The following ZWILCH variants were observed in gnomAD, a reference collection of about 807,000 sequenced individuals.
The protein encoded by ZWILCH is protein zwilch homolog.
Under a neutral mutation model 79.9 loss-of-function variants are expected in ZWILCH, and 74 were observed. The ratio of observed to expected loss-of-function variants is 0.93; its 90% confidence interval spans 0.77 to 1.12. The LOEUF (loss-of-function observed/expected upper bound fraction) is 1.12. ZWILCH is among the 50% of genes most tolerant of loss of function. ZWILCH has a pLI of 0.00. For missense variants in ZWILCH, 694 were observed against 687.5 expected, an observed-to-expected ratio of 1.01 and a Z score of -0.11; for synonymous variants, 241 against 228.2, an observed-to-expected ratio of 1.06 and a Z score of -0.51.
Position 66,532,385 on chromosome 15 carries a change from T to A in ZWILCH, c.1294T>A (p.Tyr432Asn). 2 of 1,606,568 alleles carry A rather than the reference T, an allele frequency of 1.2e-6. No homozygotes were observed. Among genetic ancestry groups the A allele is most frequent in the Non-Finnish European group, 1.7e-6 (2 of 1,177,750 alleles). Residue 432 changes from tyrosine to asparagine, a missense_variant, in exon 13 of 19, where the codon TAT becomes AAT. Coordinates refer to ENST00000307897, the MANE Select transcript of ZWILCH (RefSeq NM_017975.5). ...TGGTTTGGACAAACTAAAGAAAGAT[T>A]ATATCAGTTTTTTCATAGGTAAGTA... is the stretch of plus-strand genomic sequence containing the variant. ...EIGLDKLKKDYISFFIGQELA... is the reference protein window; with the variant it reads ...EIGLDKLKKDNISFFIGQELA...
Position 66,516,024 on chromosome 15 carries a change from G to C in ZWILCH, c.320+380G>C, listed in dbSNP as rs143682832. Among the ~76,000 whole-genome samples the C allele has an allele frequency of 3.9e-4, 60 of 152,288 alleles. No homozygotes were observed. In the South Asian group the frequency reaches 6.2e-3, roughly 16 times the overall value. ...TCATGATAAAACCCAAATTCCTTAA[G>C]AATGACACACAGGAACTTTCATTGT... On this transcript the variant is annotated intron_variant, in intron 4 of 18. Coordinates refer to ENST00000307897, the MANE Select transcript of ZWILCH (RefSeq NM_017975.5).
At chr15:66,542,134 C>CT (rs1268824320) in intron 17 of ZWILCH, among the ~76,000 whole-genome samples, 1 of 152,112 alleles carries the variant, frequency 6.6e-6, no homozygotes, top group African/African-American at 2.4e-5. Context: ...GCAAAACAGA[C>CT]AAATTATAAA....
chr15:66,521,263 T>A, intron 7 of ZWILCH, 58 bp downstream of exon 7: 1 of 1,583,248 alleles, frequency 6.3e-7, no homozygotes, highest in Non-Finnish European at 8.6e-7. Flanking sequence ...GTTGGCTTAC[T>A]TGGTTGTTGC....
chr15:66,541,294 CCACACA>C (rs553071106), intron 17 of ZWILCH, among the ~76,000 whole-genome samples: 4 of 151,196 alleles, frequency 2.6e-5, no homozygotes, highest in African/African-American at 4.9e-5. Flanking sequence ...CAGAAACACA[CCACACA>C]CACACACGCA....
At chr15:66,510,531 A>T (rs1894020380) in intron 2 of ZWILCH, among the ~76,000 whole-genome samples, 1 of 152,212 alleles carries the variant, frequency 6.6e-6, no homozygotes. Flanking sequence ...CAAGAATCAG[A>T]TATATCTGGG....
intron 7 of ZWILCH, among the ~76,000 whole-genome samples, chr15:66,522,131 G>A (rs1894516317): frequency 6.6e-6 from 1 of 152,008 alleles, no homozygotes; most frequent in African/African-American, 2.4e-5. Flanking sequence ...CCGGGAGGCA[G>A]AGGTTTTAGT....
At chr15:66,516,329 C>A (rs1229580589) in intron 4 of ZWILCH, among the ~76,000 whole-genome samples, 1 of 152,154 alleles carries the variant, frequency 6.6e-6, no homozygotes, top group Non-Finnish European at 1.5e-5. Context: ...ATGTACAGTT[C>A]CCTCTGTCCA....
In ZWILCH at chr15:66,521,265, G is replaced by T. The variant is rs73474142; in HGVS notation, c.747+60G>T. 0.014 allele frequency: 21,250 copies of T among 1,572,782 alleles called. 2,403 individuals carry two copies. In the African/African-American group the frequency reaches 0.25, roughly 18 times the overall value. ...GAGACTCCTAAATGTTGGCTTACTT[G>T]GTTGTTGCTGGTGCTCCATGCCTCT... On this transcript the variant is annotated intron_variant, in intron 7 of 18. Transcript: ENST00000307897.
chr15:66,528,609 T>A (rs1894756898), intron 10 of ZWILCH, among the ~76,000 whole-genome samples: 1 of 152,216 alleles, frequency 6.6e-6, no homozygotes, highest in Non-Finnish European at 1.5e-5. Flanking sequence ...ATTTAATTTT[T>A]TTTTTACATG....
intron 14 of ZWILCH, 86 bp from the exon 15 acceptor site, chr15:66,535,847 G>T: frequency 6.5e-6 from 7 of 1,074,404 alleles, no homozygotes; most frequent in Non-Finnish European, 8.9e-6. Flanking sequence ...GCATCCAAAT[G>T]TAGGTGTAGA....
intron 15 of ZWILCH, 136 bp from the exon 16 acceptor site, chr15:66,537,032 T>C (rs980626192): frequency 2.1e-6 from 1 of 465,216 alleles, no homozygotes; most frequent in African/African-American, 2.0e-5. Flanking sequence ...TTTACTTTTG[T>C]GGCTCTAAAA....
In ZWILCH at chr15:66,525,215, A is replaced by G. The variant is rs542388408; in HGVS notation, c.819+1467A>G. Reference sequence around the variant, plus strand: ...ATTTCTATCACCACTACGTACTACTATAGCTAGAAGCTGCCACTCTGCTGT... The same window carrying G: ...ATTTCTATCACCACTACGTACTACTGTAGCTAGAAGCTGCCACTCTGCTGT... On this transcript the variant is annotated intron_variant, in intron 8 of 18. Transcript: ENST00000307897. Among the ~76,000 whole-genome samples, 11 of 152,334 alleles carry G rather than the reference A, an allele frequency of 7.2e-5. No homozygotes were observed. In the South Asian group the frequency reaches 2.1e-3, roughly 29 times the overall value.
chr15:66,521,150 G>T lies in ZWILCH; in HGVS notation c.692G>T (p.Trp231Leu). ...ACTGCGATCGCTTTGGATATTTCCTGGAGTCCTGTGGATGAGATTCTTCAA... is the reference window on the plus strand; with the variant it reads ...ACTGCGATCGCTTTGGATATTTCCTTGAGTCCTGTGGATGAGATTCTTCAA... ...SQTAIALDIS[W>L]SPVDEILQIP... Residue 231 changes from tryptophan (W) to leucine (L), a missense_variant, in exon 7 of 19, where the codon TGG becomes TTG. By Grantham distance (61) the Trp-to-Leu change is moderately conservative. Coordinates refer to ENST00000307897, the MANE Select transcript of ZWILCH (RefSeq NM_017975.5). 6.2e-7 allele frequency: 1 copy of T among 1,613,876 alleles called. No individual in the cohort carries two copies. The highest frequency in any genetic ancestry group is 8.5e-7 in the Non-Finnish European group (1 of 1,180,016).
chr15:66,550,050 G>A lies in ZWILCH; in HGVS notation c.*1726G>A, dbSNP rs376424809. On this transcript the variant is annotated 3_prime_UTR_variant, in exon 19 of 19. Coordinates refer to ENST00000307897, the MANE Select transcript of ZWILCH (RefSeq NM_017975.5). ...AAATATACTGACTCACCTGCAGCAA[G>A]CATCTGATTGTTGATAGAGCAAGTT... The A allele has an allele frequency of 1.1e-4, 180 of 1,600,832 alleles. No individual in the cohort carries two copies. Among genetic ancestry groups the A allele is most frequent in the Non-Finnish European group, 1.3e-4 (155 of 1,173,994 alleles).
chr15:66,532,383 A>T lies in ZWILCH; in HGVS notation c.1292A>T (p.Asp431Val). Residue 431 changes from aspartate to valine, a missense_variant, in exon 13 of 19, where the codon GAT becomes GTT. Coordinates refer to ENST00000307897, the MANE Select transcript of ZWILCH (RefSeq NM_017975.5). ...ATTGGTTTGGACAAACTAAAGAAAG[A>T]TTATATCAGTTTTTTCATAGGTAAG... ...LEIGLDKLKK[D>V]YISFFIGQEL... 6.2e-7 allele frequency: 1 copy of T among 1,607,196 alleles called. No individual in the cohort carries two copies. The highest frequency in any genetic ancestry group is 8.5e-7 in the Non-Finnish European group (1 of 1,177,936).
chr15:66,541,885 A>T (rs866846610), intron 17 of ZWILCH, among the ~76,000 whole-genome samples: 1 of 152,210 alleles, frequency 6.6e-6, no homozygotes, highest in Admixed American at 6.5e-5. Flanking sequence ...CTTGCAAAAA[A>T]TTTTTCCAGA....
chr15:66,549,046 G>T lies in ZWILCH; in HGVS notation c.*722G>T. On this transcript the variant is annotated 3_prime_UTR_variant, in exon 19 of 19. Transcript: ENST00000307897. ...GAACTTGTATGTTGAAATGTTGTAT[G>T]GTAGTTCTTGTATAGTTAAATAATA... The T allele has an allele frequency of 6.5e-6, 1 of 153,432 alleles. No individual in the cohort carries two copies. The highest frequency in any genetic ancestry group is 1.5e-5 in the Non-Finnish European group (1 of 68,724). 9.5% of individuals were successfully genotyped at this position (153,432 alleles called of 1,614,324 possible).
rs1341548508 is a variant in ZWILCH at position 66,529,564 on chromosome 15, A to G, written c.1146A>G (p.Ile382Met). 1.9e-6 allele frequency: 3 copies of G among 1,613,314 alleles called. No homozygotes were observed. Among genetic ancestry groups the G allele is most frequent in the Non-Finnish European group, 2.5e-6 (3 of 1,179,312 alleles). ...LIIQSLQRGDIQPWLHSGSNS... is the reference protein window; with the variant it reads ...LIIQSLQRGDMQPWLHSGSNS... Reference sequence around the variant, plus strand: ...TCCAGAGTCTACAACGTGGTGATATACAGCCATGGGTAGGTTTAGTAGTGT... The same window carrying G: ...TCCAGAGTCTACAACGTGGTGATATGCAGCCATGGGTAGGTTTAGTAGTGT... The change falls in exon 12 of 19, where the codon ATA (isoleucine) becomes ATG (methionine). Residue 382 changes from isoleucine to methionine, a missense_variant. By Grantham distance (10) the Ile-to-Met change is conservative (BLOSUM62 1). Coordinates refer to ENST00000307897, the MANE Select transcript of ZWILCH (RefSeq NM_017975.5).
intron 17 of ZWILCH, among the ~76,000 whole-genome samples, chr15:66,546,067 G>A (rs1485369444): frequency 6.6e-6 from 1 of 152,146 alleles, no homozygotes; most frequent in African/African-American, 2.4e-5. Flanking sequence ...CTCACCCAGT[G>A]GGTGCTCAGT....
Sources: allele counts gnomAD v4.1 joint callset (sites outside exome capture counted in the v4.1 genomes callset), GRCh38; gene constraint gnomAD v4.1.1; transcripts MANE v1.5; gene names NCBI Gene and HGNC (gene_info 2026-07-23, HGNC 2026-07-21).